PRMT7: variants seen among roughly 807,000 people sequenced by gnomAD.
The protein encoded by PRMT7 is protein arginine N-methyltransferase 7.
In PRMT7, 75 loss-of-function variants were observed where a neutral mutation model predicts 85.4. The observed-to-expected ratio is 0.88, with a 90% CI of 0.73 to 1.06. The LOEUF (loss-of-function observed/expected upper bound fraction) is 1.06, where lower values mean the gene tolerates loss of function less well. Ranked by LOEUF, PRMT7 falls within the 50% of genes least tolerant of loss-of-function variation. PRMT7 has a pLI of 0.00. For synonymous variants in PRMT7, 397 were observed against 359.5 expected (o/e 1.10, Z -1.18); for missense variants, 868 against 915.2 (o/e 0.95, Z 0.67).
In PRMT7 at chr16:68,357,448, G is replaced by GGGCT. The variant is rs1167460737; in HGVS notation, c.*227_*230dup. 1.9e-6 allele frequency: 1 copy of GGGCT among 527,874 alleles called. No individual in the cohort carries two copies. Among genetic ancestry groups the GGGCT allele is most frequent in the Non-Finnish European group, 3.3e-6 (1 of 304,838 alleles). The allele number at this position is 527,874 out of a possible 1,614,324, so 32.7% of individuals were successfully genotyped here. ...GGTGACTGAATTTGGAGCCCTGGAG[G>GGGCT]GGCTGGGAAGACCCCCCTGCTTGTG... On this transcript the variant is annotated 3_prime_UTR_variant, in exon 19 of 19. Coordinates refer to ENST00000441236, the MANE Select transcript of PRMT7 (RefSeq NM_019023.5).
intron 3 of PRMT7, among the ~76,000 whole-genome samples, chr16:68,317,237 C>CAAAA (rs35849810): frequency 1.3e-4 from 14 of 104,084 alleles, no homozygotes; most frequent in Non-Finnish European, 1.9e-4. Flanking sequence ...GACTCTGTCT[C>CAAAA]AAAAAAAAAA....
chr16:68,354,165 C>T (rs569226494), intron 16 of PRMT7, among the ~76,000 whole-genome samples: 1 of 152,186 alleles, frequency 6.6e-6, no homozygotes, highest in African/African-American at 2.4e-5. Context: ...ATTGCTTGAG[C>T]CCAGACGTTT....
intron 8 of PRMT7, 68 bp downstream of exon 8, chr16:68,339,631 C>G (rs2151735368): frequency 6.2e-7 from 1 of 1,601,388 alleles, no homozygotes; most frequent in East Asian, 2.2e-5. Flanking sequence ...TTAGGAGGTT[C>G]TTTTTGAGTG....
At chr16:68,348,844 GC>G (rs948684296) in intron 14 of PRMT7, among the ~76,000 whole-genome samples, 10 of 151,854 alleles carry the variant, frequency 6.6e-5, no homozygotes, top group African/African-American at 2.4e-4. Context: ...TCATCATGTG[GC>G]CCAGGCTGGT....
Position 68,357,332 on chromosome 16 carries a change from C to CCA in PRMT7, c.*108_*109insCA, listed in dbSNP as rs2088770496. 4 of 1,246,136 alleles carry CCA rather than the reference C, an allele frequency of 3.2e-6. No homozygotes were observed. The highest frequency in any genetic ancestry group is 4.4e-6 in the Non-Finnish European group (4 of 898,884). The allele number at this position is 1,246,136 out of a possible 1,614,324, so 77.2% of individuals were successfully genotyped here. A position where few individuals can be genotyped will look rare whatever the true frequency, so the allele number is the denominator to read the frequency against. On this transcript the variant is annotated 3_prime_UTR_variant, in exon 19 of 19. Coordinates refer to ENST00000441236, the MANE Select transcript of PRMT7 (RefSeq NM_019023.5). ...CTCTCCTCTCTGGGAGCTGCTCGGC[C>CCA]TCAGGGATGGGAAAGACTGCGCCGT...
intron 2 of PRMT7, chr16:68,315,551 A>G (rs1440000657): frequency 8.5e-6 from 2 of 234,564 alleles, no homozygotes; most frequent in African/African-American, 2.4e-5. Flanking sequence ...ACAGTACCCC[A>G]TCTCTTCTCC....
At chr16:68,313,410 A>G (rs1283641645) in intron 2 of PRMT7, among the ~76,000 whole-genome samples, 2 of 152,134 alleles carry the variant, frequency 1.3e-5, no homozygotes, top group African/African-American at 4.8e-5. Context: ...TCAGGACTCT[A>G]CCATATGGAT....
intron 6 of PRMT7, among the ~76,000 whole-genome samples, chr16:68,331,401 T>C (rs1007434293): frequency 6.6e-6 from 1 of 152,192 alleles, no homozygotes; most frequent in Non-Finnish European, 1.5e-5. Context: ...ACTGATCTTT[T>C]CTTTTGCAGC....
At chr16:68,352,639 A>G (rs1014900922) in intron 15 of PRMT7, 2 of 434,852 alleles carry the variant, frequency 4.6e-6, no homozygotes, top group African/African-American at 4.0e-5. Flanking sequence ...TCATTTTACA[A>G]TTGTGGCTTA....
At chr16:68,340,606 A>G (rs1203849152) in intron 9 of PRMT7, among the ~76,000 whole-genome samples, 2 of 152,060 alleles carry the variant, frequency 1.3e-5, no homozygotes, top group African/African-American at 2.4e-5. Flanking sequence ...AGAGAAATGC[A>G]ACTTTAAACT....
At chr16:68,341,458 G>A (rs187538785) in intron 9 of PRMT7, among the ~76,000 whole-genome samples, 11 of 152,290 alleles carry the variant, frequency 7.2e-5, no homozygotes, top group African/African-American at 2.4e-4. Flanking sequence ...TGGTCAGGCT[G>A]GAGTGCAATG....
rs1053614969 is a variant in PRMT7 at position 68,358,070 on chromosome 16, A to G, written c.*846A>G. On this transcript the variant is annotated 3_prime_UTR_variant, in exon 19 of 19. Transcript: ENST00000441236. ...CTCACACACTAACCCCCCTTTGGTT[A>G]TGTCCCAGCTCTCAGAGGTAACAGC... The G allele has an allele frequency of 1.3e-5, 2 of 152,288 alleles. No homozygotes were observed. The highest frequency in any genetic ancestry group is 4.8e-5 in the African/African-American group (2 of 41,462). The allele number at this position is 152,288 out of a possible 1,614,324, so 9.4% of individuals were successfully genotyped here.
chr16:68,328,275 G>A lies in PRMT7; in HGVS notation c.283-791G>A, dbSNP rs546584025. Reference sequence around the variant, plus strand: ...ATGTTATCATAAATACATACTTACCGTAAATCCTGCCCTTCGTCAAATTCC... The same window carrying A: ...ATGTTATCATAAATACATACTTACCATAAATCCTGCCCTTCGTCAAATTCC... On this transcript the variant is annotated intron_variant, in intron 5 of 18. Coordinates refer to ENST00000441236, the MANE Select transcript of PRMT7 (RefSeq NM_019023.5). The A allele has an allele frequency of 3.7e-5, 6 of 164,036 alleles. No homozygotes were observed. The South Asian group carries it at 5.5e-4, about 15-fold the overall frequency. 10.2% of individuals were successfully genotyped at this position (164,036 alleles called of 1,614,324 possible).
At chr16:68,317,858 A>ATG (rs2082055496) in intron 3 of PRMT7, among the ~76,000 whole-genome samples, 1 of 150,634 alleles carries the variant, frequency 6.6e-6, no homozygotes, top group African/African-American at 2.4e-5. Context: ...AAAAAACCAC[A>ATG]CACACACAGA....
intron 1 of PRMT7, chr16:68,311,384 G>A: frequency 3.8e-6 from 1 of 266,270 alleles, no homozygotes. Context: ...TCCAACCATC[G>A]CACCCCTAAC....
intron 14 of PRMT7, among the ~76,000 whole-genome samples, chr16:68,350,434 CT>C (rs58165144): frequency 1.1e-3 from 159 of 143,482 alleles, no homozygotes; most frequent in East Asian, 2.2e-3. Flanking sequence ...CTGGCATTGG[CT>C]TTTTTTTTTT....
intron 2 of PRMT7, among the ~76,000 whole-genome samples, chr16:68,313,475 T>A (rs541948274): frequency 5.9e-4 from 90 of 152,316 alleles, no homozygotes; most frequent in Non-Finnish European, 1.0e-3. Context: ...CTGATTGATA[T>A]AATGTGCATG....
downstream of PRMT7, chr16:68,359,779 A>C (rs1160564661): frequency 6.6e-6 from 1 of 152,576 alleles, no homozygotes; most frequent in Non-Finnish European, 1.5e-5. Context: ...TGAAACAGAC[A>C]AAACCTTCGC....
At position 68,321,408 on chromosome 16, in the gene PRMT7, GACTT is replaced by G; in HGVS notation, c.96-17_96-14del. 6.3e-7 allele frequency: 1 copy of G among 1,597,412 alleles called. No individual in the cohort carries two copies. The highest frequency in any genetic ancestry group is 8.6e-7 in the Non-Finnish European group (1 of 1,166,074). On this transcript the variant is annotated splice_polypyrimidine_tract_variant and intron_variant, in intron 3 of 18. Transcript: ENST00000441236. ...TGATGTGTATCATGCAAAGGTTACTGACTTTTTTGTTTTTTAGGTCATCTTATGC... is the reference window on the plus strand; with the variant it reads ...TGATGTGTATCATGCAAAGGTTACTGTTTTGTTTTTTAGGTCATCTTATGC...
Sources: allele counts gnomAD v4.1 joint callset (sites outside exome capture counted in the v4.1 genomes callset), GRCh38; gene constraint gnomAD v4.1.1; transcripts MANE v1.5; gene names NCBI Gene and HGNC (gene_info 2026-07-23, HGNC 2026-07-21).